The following VPS39 variants were observed in gnomAD, a reference collection of about 807,000 sequenced individuals.
VPS39 encodes vam6/Vps39-like protein.
A neutral mutation model predicts 121.0 loss-of-function variants in VPS39; 70 were observed. The ratio of observed to expected loss-of-function variants is 0.58; its 90% confidence interval spans 0.48 to 0.71. The LOEUF (loss-of-function observed/expected upper bound fraction) is 0.71. VPS39 is among the 30% of genes least tolerant of loss of function. The pLI, the probability that VPS39 is intolerant of heterozygous loss-of-function variation, is 0.00. For missense variants in VPS39, 818 were observed against 1,051.5 expected (o/e 0.78, Z 3.07); for synonymous variants, 378 against 398.1 (o/e 0.95, Z 0.60).
At chr15:42,162,708 C>T (rs1241956737) in intron 21 of VPS39, 4 of 436,562 alleles carry the variant, frequency 9.2e-6, no homozygotes, top group Non-Finnish European at 1.2e-5. Context: ...GCCTTGTATT[C>T]GTTTACCATT....
chr15:42,194,835 C>A (rs1239004160), intron 2 of VPS39, among the ~76,000 whole-genome samples: 1 of 151,018 alleles, frequency 6.6e-6, no homozygotes, highest in African/African-American at 2.4e-5. Flanking sequence ...TTAAAAAAAT[C>A]TCTATTTGAA....
In VPS39 at chr15:42,165,763, G is replaced by A. The variant is rs149704041; in HGVS notation, c.1734C>T (p.Leu578=). The change falls in exon 17 of 25, where the codon CTC becomes CTT. Residue 578 remains leucine (L), a synonymous_variant. Transcript: ENST00000318006. ...EVESLPRDRV[L]GFLIENFKGL... is the part of the protein sequence containing the mutation. The stretch of plus-strand genomic sequence containing the variant: ...CCTTAAAATTCTCTATTAAGAAGCC[G>A]AGGACTCGATCACGTGGCAGAGACT... The A allele has an allele frequency of 2.4e-5, 38 of 1,614,026 alleles. No homozygotes were observed. The highest frequency in any genetic ancestry group is 1.6e-4 in the African/African-American group (12 of 74,904).
At chr15:42,198,172 A>T (rs2049984620) in intron 2 of VPS39, among the ~76,000 whole-genome samples, 1 of 152,210 alleles carries the variant, frequency 6.6e-6, no homozygotes, top group South Asian at 2.1e-4. Context: ...CTTCATTTAT[A>T]AAGTCTTGTT....
chr15:42,170,026 T>C (rs2049316912), intron 11 of VPS39, among the ~76,000 whole-genome samples, 160 bp from the exon 12 acceptor site: 1 of 151,834 alleles, frequency 6.6e-6, no homozygotes, highest in Non-Finnish European at 1.5e-5. Flanking sequence ...AGACTTATGA[T>C]TTGAGCACTT....
chr15:42,175,407 G>A (rs1300962303), intron 10 of VPS39, among the ~76,000 whole-genome samples: 7 of 146,736 alleles, frequency 4.8e-5, no homozygotes, highest in Admixed American at 1.3e-4. Context: ...ACTCTGTCTC[G>A]GGAAAAAAAA....
At position 42,162,032 on chromosome 15, in the gene VPS39, C is replaced by T. The variant is rs756254232; in HGVS notation, c.2460G>A (p.Arg820=). ...TAGAGTTTGGAAGGCCCATACCTAC[C>T]CTCAGGAATTCTGCATGGAGAAGGT... ...LKNLLHAEFL[R]VQEERILHQQ... is the part of the protein sequence containing the mutation. The change falls in exon 23 of 25, where the codon AGG becomes AGA. Residue 820 remains arginine, a splice_region_variant and synonymous_variant. Transcript: ENST00000318006. 2 of 1,614,168 alleles carry T rather than the reference C, an allele frequency of 1.2e-6. No homozygotes were observed. The highest frequency in any genetic ancestry group is 8.5e-7 in the Non-Finnish European group (1 of 1,180,020).
chr15:42,182,872 C>A (rs1224416518), intron 8 of VPS39, among the ~76,000 whole-genome samples: 1 of 152,182 alleles, frequency 6.6e-6, no homozygotes, highest in African/African-American at 2.4e-5. Flanking sequence ...CAGAAACACG[C>A]TTGACTTTTA....
chr15:42,206,392 TAGGAACCAA>T (rs989255325), intron 1 of VPS39, among the ~76,000 whole-genome samples: 2 of 152,200 alleles, frequency 1.3e-5, no homozygotes, highest in Non-Finnish European at 2.9e-5. Context: ...CTAAGCACCT[TAGGAACCAA>T]AGAGCATTTC....
chr15:42,191,473 T>C (rs558407311), intron 3 of VPS39, 23 bp downstream of exon 3: 200 of 1,609,860 alleles, frequency 1.2e-4, no homozygotes, highest in Non-Finnish European at 1.6e-4. Context: ...AATATTCTTG[T>C]AAGGACTGCC....
At chr15:42,197,462 A>G (rs1467154361) in intron 2 of VPS39, among the ~76,000 whole-genome samples, 1 of 151,508 alleles carries the variant, frequency 6.6e-6, no homozygotes, top group Non-Finnish European at 1.5e-5. Flanking sequence ...CTGAGGTGGG[A>G]GGATGGCTTG....
At chr15:42,168,923 A>G (rs559726455) in intron 12 of VPS39, among the ~76,000 whole-genome samples, 1 of 152,294 alleles carries the variant, frequency 6.6e-6, no homozygotes, top group East Asian at 1.9e-4. Context: ...AAGAGGAAAA[A>G]ATATCAATAA....
chr15:42,176,970 C>G (rs2049463837), intron 10 of VPS39, among the ~76,000 whole-genome samples: 1 of 151,738 alleles, frequency 6.6e-6, no homozygotes, highest in African/African-American at 2.4e-5. Context: ...TAAGACCAGC[C>G]TGGGCAACAA....
chr15:42,168,249 G>A (rs556691986), intron 12 of VPS39, among the ~76,000 whole-genome samples: 6 of 152,378 alleles, frequency 3.9e-5, no homozygotes, highest in Non-Finnish European at 7.3e-5. Flanking sequence ...AGGGAAGGAC[G>A]TGTGCTCACC....
In VPS39 at chr15:42,170,010, A is replaced by G. The variant is rs996451609; in HGVS notation, c.1091-144T>C. 1.0e-5 allele frequency: 10 copies of G among 976,428 alleles called. No homozygotes were observed. The African/African-American group carries it at 1.3e-4, about 13-fold the overall frequency. 60.5% of individuals were successfully genotyped at this position (976,428 alleles called of 1,614,324 possible). ...ACTCTCAGTTCATAAACATTCAACGAGCTGTAGACTTATGATTTGAGCACT... is the reference window on the plus strand; with the variant it reads ...ACTCTCAGTTCATAAACATTCAACGGGCTGTAGACTTATGATTTGAGCACT... On this transcript the variant is annotated intron_variant, in intron 11 of 24. Transcript: ENST00000318006.
At chr15:42,190,654 G>A (rs756359972) in intron 4 of VPS39, among the ~76,000 whole-genome samples, 1 of 152,134 alleles carries the variant, frequency 6.6e-6, no homozygotes, top group African/African-American at 2.4e-5. Context: ...TTTGTGATAC[G>A]CTGCTGGCCT....
intron 17 of VPS39, chr15:42,165,384 G>A (rs633483): frequency 0.11 from 60,797 of 533,838 alleles, 4,506 homozygotes; most frequent in South Asian, 0.23. Flanking sequence ...TCATGTAATT[G>A]TGGTTAAATA....
At chr15:42,199,104 T>C (rs902434698) in intron 2 of VPS39, among the ~76,000 whole-genome samples, 1 of 152,040 alleles carries the variant, frequency 6.6e-6, no homozygotes, top group Non-Finnish European at 1.5e-5. Context: ...ATATATTATA[T>C]TGAAGGGTAT....
chr15:42,171,921 G>C (rs1381811599), intron 11 of VPS39, among the ~76,000 whole-genome samples: 1 of 152,076 alleles, frequency 6.6e-6, no homozygotes, highest in African/African-American at 2.4e-5. Context: ...CAGAAGCAGA[G>C]GGGAGCCAAA....
chr15:42,184,054 C>CAAAAAAAAAA (rs34358912), intron 8 of VPS39: 13 of 57,858 alleles, frequency 2.2e-4, no homozygotes, highest in African/African-American at 5.9e-4. Context: ...CTCTAAGCTA[C>CAAAAAAAAAA]AAAAAAAAAA....
Sources: gnomAD v4.1 joint callset for allele counts (sites outside exome capture counted in the v4.1 genomes callset) on GRCh38, gnomAD v4.1.1 for gene constraint, MANE v1.5 for transcripts, NCBI Gene and HGNC (gene_info 2026-07-23, HGNC 2026-07-21) for gene names.